Variants in SPIRE2 observed in about 807,000 individuals in gnomAD.
SPIRE2 encodes spire type actin nucleation factor 2, also known as protein spire homolog 2.
SPIRE2 carries 76 observed loss-of-function variants against 80.7 expected under a neutral mutation model. The ratio of observed to expected loss-of-function variants is 0.94; its 90% CI spans 0.78 to 1.14. SPIRE2 has a LOEUF of 1.14. Ranked by LOEUF, SPIRE2 falls within the 50% of genes most tolerant of loss-of-function variation. The pLI is 0.00. For synonymous variants in SPIRE2, 535 were observed against 432.6 expected (o/e 1.24, Z -2.94); for missense variants, 1,196 against 1,015.3 (o/e 1.18, Z -2.42).
rs1433426219 is a variant in SPIRE2, at chr16:89,869,049, A to T, written c.1807-518A>T. The stretch of plus-strand genomic sequence containing the variant: ...TGTGTCTTAAAAAAAAAAAAAAAAA[A>T]AAAAATATATATATATATATATATA... On this transcript the variant is annotated intron_variant, in intron 13 of 14. Coordinates refer to ENST00000378247, the MANE Select transcript of SPIRE2 (RefSeq NM_032451.2). 0.024 allele frequency among the ~76,000 whole-genome samples: 779 copies of T among 32,456 alleles called. 70 individuals are homozygous for T. The East Asian group carries it at 0.51, about 21-fold the overall frequency. The allele number at this position is 32,456 out of a possible 152,430, so 21.3% of individuals were successfully genotyped here. A position where few individuals can be genotyped will look rare whatever the true frequency, so the allele number is the denominator to read the frequency against.
chr16:89,862,255 G>A (rs913345293), intron 10 of SPIRE2: 5 of 151,602 alleles, frequency 3.3e-5, no homozygotes, highest in South Asian at 4.2e-4. Context: ...CGCCCTCTTC[G>A]GCCTCCCAAA....
rs1264041776 is a variant in SPIRE2, at chr16:89,850,359, A to C, written c.344A>C (p.Glu115Ala). Residue 115 changes from glutamate to alanine, a missense_variant, in exon 3 of 15, where the codon GAG becomes GCG. Physicochemically the swap from Glu to Ala is moderately radical, Grantham distance 107 (BLOSUM62 -1). Coordinates refer to ENST00000378247, the MANE Select transcript of SPIRE2 (RefSeq NM_032451.2). ...CGCGCGCTGGACTGGGGGCTGGACGAGAGCGAGGAGCGCGAACTCAGCCCT... is the reference window on the plus strand; with the variant it reads ...CGCGCGCTGGACTGGGGGCTGGACGCGAGCGAGGAGCGCGAACTCAGCCCT... ...IYRALDWGLD[E>A]SEERELSPQL... The C allele has an allele frequency of 6.2e-7, 1 of 1,600,122 alleles. No homozygotes were observed.
intron 1 of SPIRE2, among the ~76,000 whole-genome samples, chr16:89,834,636 G>A (rs950993924): frequency 8.0e-6 from 1 of 124,728 alleles, no homozygotes; most frequent in African/African-American, 2.9e-5. Context: ...GGCCGTTGTA[G>A]AAGCCTGGAT....
intron 1 of SPIRE2, among the ~76,000 whole-genome samples, chr16:89,835,396 G>C (rs1341185529): frequency 1.3e-5 from 2 of 152,118 alleles, no homozygotes; most frequent in Non-Finnish European, 2.9e-5. Context: ...CACCTTCCAG[G>C]CCCTCCTACA....
At chr16:89,831,464 C>T (rs2041381160) in intron 1 of SPIRE2, among the ~76,000 whole-genome samples, 1 of 145,904 alleles carries the variant, frequency 6.9e-6, no homozygotes, top group African/African-American at 2.5e-5. Flanking sequence ...GTGGCGCGTT[C>T]TCGGCTCACT....
rs879786015 is a variant in SPIRE2, at chr16:89,844,442, A to AT, written c.245-866dup. Reference sequence around the variant, plus strand: ...CCACCCACCTCAGCCTCCCAAAGTAATTTTTTTTTTTTTTGAGACAGAGTC... The same window carrying AT: ...CCACCCACCTCAGCCTCCCAAAGTAATTTTTTTTTTTTTTTGAGACAGAGTC... On this transcript the variant is annotated intron_variant, in intron 1 of 14. Coordinates refer to ENST00000378247, the MANE Select transcript of SPIRE2 (RefSeq NM_032451.2). Among the ~76,000 whole-genome samples the AT allele has an allele frequency of 2.4e-3, 324 of 137,370 alleles. 1 individual carries two copies. The highest frequency in any genetic ancestry group is 0.019 in the South Asian group (83 of 4,262). The allele number at this position is 137,370 out of a possible 152,430, so 90.1% of individuals were successfully genotyped here. A position where few individuals can be genotyped will look rare whatever the true frequency, so the allele number is the denominator to read the frequency against.
rs563451044 is a variant in SPIRE2, at chr16:89,845,375, A to T, written c.288+10A>T. On this transcript the variant is annotated intron_variant, in intron 2 of 14. Coordinates refer to ENST00000378247, the MANE Select transcript of SPIRE2 (RefSeq NM_032451.2). Reference sequence around the variant, plus strand: ...CAGCTCGGAAGCCCAGGTACTTTTTAAAAAATTCCAAGTATTACTTGATGT... The same window carrying T: ...CAGCTCGGAAGCCCAGGTACTTTTTTAAAAATTCCAAGTATTACTTGATGT... 2.8e-5 allele frequency: 45 copies of T among 1,611,152 alleles called. No individual in the cohort carries two copies. The highest frequency in any genetic ancestry group is 2.3e-4 in the African/African-American group (17 of 74,980).
At chr16:89,830,592 T>C (rs2041369826) in intron 1 of SPIRE2, among the ~76,000 whole-genome samples, 1 of 151,186 alleles carries the variant, frequency 6.6e-6, no homozygotes. Context: ...TATTTCTCCC[T>C]GTAGATATCA....
At chr16:89,833,965 C>T (rs1207514377) in intron 1 of SPIRE2, among the ~76,000 whole-genome samples, 1 of 152,136 alleles carries the variant, frequency 6.6e-6, no homozygotes, top group Non-Finnish European at 1.5e-5. Context: ...TCTGTGTGAG[C>T]TGGGGTTTGT....
chr16:89,854,212 C>G, intron 3 of SPIRE2, 74 bp from the exon 4 acceptor site: 1 of 1,403,230 alleles, frequency 7.1e-7, no homozygotes, highest in Non-Finnish European at 9.9e-7. Flanking sequence ...TGGTCGTGTC[C>G]CTGACGGACG....
At chr16:89,854,038 G>A (rs2041663323) in intron 3 of SPIRE2, among the ~76,000 whole-genome samples, 1 of 152,272 alleles carries the variant, frequency 6.6e-6, no homozygotes. Flanking sequence ...AGGGTGCATG[G>A]CCCACCTGAG....
At chr16:89,829,038 C>G (rs2041354226) in intron 1 of SPIRE2, among the ~76,000 whole-genome samples, 2 of 152,362 alleles carry the variant, frequency 1.3e-5, no homozygotes, top group East Asian at 1.9e-4. Flanking sequence ...CCGGACCCCC[C>G]CACCTGACGC....
rs1291779377 is a variant in SPIRE2 at position 89,863,756 on chromosome 16, T to A, written c.1711-38T>A. On this transcript the variant is annotated intron_variant, in intron 11 of 14. Transcript: ENST00000378247. This position sits in a 1 kb window ranked among gnomAD's most constrained non-coding sequence, Gnocchi z 4.3. ...GGACAGGGCGGGACCCCAGGGAGCT[T>A]TGGACAAAGCGGGGCTCTAACCAGT... 1 of 1,612,342 alleles carries A rather than the reference T, an allele frequency of 6.2e-7. No homozygotes were observed. Among genetic ancestry groups the A allele is most frequent in the Non-Finnish European group, 8.5e-7 (1 of 1,178,494 alleles).
At position 89,840,245 on chromosome 16, in the gene SPIRE2, CTTT is replaced by C. The variant is rs778083127; in HGVS notation, c.245-5057_245-5055del. Among the ~76,000 whole-genome samples the C allele has an allele frequency of 3.8e-5, 5 of 133,296 alleles. No homozygotes were observed. In the East Asian group the frequency reaches 6.6e-4, roughly 18 times the overall value. The allele number at this position is 133,296 out of a possible 152,430, so 87.4% of individuals were successfully genotyped here. On this transcript the variant is annotated intron_variant, in intron 1 of 14. Transcript: ENST00000378247. ...CCCTCTTCCAAATGAAACCTGTCAT[CTTT>C]TTTTTTTTTTTTTTTTTTTGAGACG...
At chr16:89,855,047 T>A (rs2041676536) in intron 5 of SPIRE2, among the ~76,000 whole-genome samples, 1 of 152,170 alleles carries the variant, frequency 6.6e-6, no homozygotes, top group South Asian at 2.1e-4. Flanking sequence ...CAAGCGATTC[T>A]CCTGCCTTAG....
chr16:89,869,045 A>ACATATATATAT lies in SPIRE2; in HGVS notation c.1807-522_1807-521insCATATATATAT, dbSNP rs1185522189. Among the ~76,000 whole-genome samples the ACATATATATAT allele has an allele frequency of 1.3e-3, 50 of 37,152 alleles. 6 individuals are homozygous for ACATATATATAT. In the East Asian group the frequency reaches 0.038, roughly 28 times the overall value. The allele number at this position is 37,152 out of a possible 152,430, so 24.4% of individuals were successfully genotyped here. Reference sequence around the variant, plus strand: ...GATCTGTGTCTTAAAAAAAAAAAAAAAAAAAAAAATATATATATATATATA... The same window carrying ACATATATATAT: ...GATCTGTGTCTTAAAAAAAAAAAAAACATATATATATAAAAAAAAATATATATATATATATA... On this transcript the variant is annotated intron_variant, in intron 13 of 14. Transcript: ENST00000378247.
intron 3 of SPIRE2, among the ~76,000 whole-genome samples, chr16:89,853,767 G>A (rs562242387): frequency 4.6e-5 from 7 of 151,906 alleles, no homozygotes; most frequent in African/African-American, 1.2e-4. Flanking sequence ...AGCACAGAGC[G>A]CTTCCCAAAC....
chr16:89,853,979 G>A (rs2041662443), intron 3 of SPIRE2, among the ~76,000 whole-genome samples: 2 of 152,374 alleles, frequency 1.3e-5, no homozygotes, highest in Middle Eastern at 3.4e-3. Flanking sequence ...GCAGCTCAGC[G>A]TAAAGGCCTG....
chr16:89,842,764 A>G (rs1463612359), intron 1 of SPIRE2, among the ~76,000 whole-genome samples: 1 of 152,202 alleles, frequency 6.6e-6, no homozygotes, highest in African/African-American at 2.4e-5. Flanking sequence ...GCCTCGGCCC[A>G]ATCACAGCTG....
Sources: allele counts gnomAD v4.1 joint callset (sites outside exome capture counted in the v4.1 genomes callset), GRCh38; gene constraint gnomAD v4.1.1; non-coding constraint Gnocchi (gnomAD v3.1); transcripts MANE v1.5; gene names NCBI Gene and HGNC (gene_info 2026-07-23, HGNC 2026-07-21).